The following KCNA2 variants were observed in gnomAD, a reference collection of about 807,000 sequenced individuals.
KCNA2 encodes the protein potassium channel, voltage gated shaker related subfamily A, member 2.
In KCNA2, 11 loss-of-function variants were observed where a neutral mutation model predicts 33.4. The ratio of observed to expected loss-of-function variants is 0.33; its 90% CI spans 0.21 to 0.55. KCNA2 has a LOEUF of 0.55. KCNA2 is among the 20% of genes least tolerant of loss of function. KCNA2 has a pLI of 0.93. For missense variants in KCNA2, 291 were observed against 621.6 expected (o/e 0.47, Z 5.66); for synonymous variants, 222 against 231.3 (o/e 0.96, Z 0.37).
intron 1 of KCNA2, among the ~76,000 whole-genome samples, chr1:110,616,571 G>A (rs1015404964): frequency 6.6e-5 from 10 of 152,190 alleles, no homozygotes; most frequent in African/African-American, 2.4e-4. Flanking sequence ...CAGAGCCTGG[G>A]AACAACCGAG....
Position 110,598,036 on chromosome 1 carries a change from C to G in KCNA2, c.*5247G>C, listed in dbSNP as rs529864805. 265 of 985,414 alleles carry G rather than the reference C, an allele frequency of 2.7e-4. No homozygotes were observed. In the African/African-American group the frequency reaches 4.3e-3, roughly 16 times the overall value. The allele number at this position is 985,414 out of a possible 1,614,324, so 61.0% of individuals were successfully genotyped here. ...AAGATATAGATGATGGTCACAATAG[C>G]TACTGAGAGAGCTCCCAGCATCCCC... On this transcript the variant is annotated 3_prime_UTR_variant, in exon 3 of 3. Coordinates refer to ENST00000316361, the MANE Select transcript of KCNA2 (RefSeq NM_004974.4).
Position 110,602,184 on chromosome 1 carries a change from C to A in KCNA2, c.*1099G>T. The A allele has an allele frequency of 1.3e-6, 2 of 1,550,286 alleles. No homozygotes were observed. The highest frequency in any genetic ancestry group is 1.7e-6 in the Non-Finnish European group (2 of 1,146,978). On this transcript the variant is annotated 3_prime_UTR_variant, in exon 3 of 3. Transcript: ENST00000316361. ...AGGTCTGCGTTCCTGTTTAGAAGAA[C>A]AGGGATAGGTAGGCTGGGGGGCCAG... is the stretch of plus-strand genomic sequence containing the variant.
rs1557725961 is a variant in KCNA2, at chr1:110,595,461, G to C, written c.*7822C>G. 2.0e-6 allele frequency: 2 copies of C among 985,422 alleles called. No individual in the cohort carries two copies. Among genetic ancestry groups the C allele is most frequent in the Non-Finnish European group, 2.4e-6 (2 of 829,952 alleles). The allele number at this position is 985,422 out of a possible 1,614,324, so 61.0% of individuals were successfully genotyped here. The stretch of plus-strand genomic sequence containing the variant: ...CATAGCCAGACTGGAGGGCTTCTGT[G>C]GGTGTGGGGAGATGGCAGACACCCC... On this transcript the variant is annotated 3_prime_UTR_variant, in exon 3 of 3. Coordinates refer to ENST00000316361, the MANE Select transcript of KCNA2 (RefSeq NM_004974.4).
chr1:110,623,430 G>T (rs1461134946), intron 1 of KCNA2, among the ~76,000 whole-genome samples: 1 of 152,208 alleles, frequency 6.6e-6, no homozygotes, highest in African/African-American at 2.4e-5. Flanking sequence ...TGACGCTAAA[G>T]AAGCATGATG....
chr1:110,613,284 G>A (rs888795233), intron 1 of KCNA2, among the ~76,000 whole-genome samples: 12 of 152,308 alleles, frequency 7.9e-5, no homozygotes, highest in Middle Eastern at 3.4e-3. Context: ...ACACAGACCT[G>A]TCACACCAGG....
At chr1:110,610,555 C>CTGAA (rs1193696627), upstream of KCNA2, among the ~76,000 whole-genome samples, 1 of 152,242 alleles carries the variant, frequency 6.6e-6, no homozygotes, top group African/African-American at 2.4e-5. Flanking sequence ...GATGAAGATA[C>CTGAA]TGAAGCTCAG....
intron 1 of KCNA2, among the ~76,000 whole-genome samples, chr1:110,617,411 C>A (rs1650101576): frequency 6.6e-6 from 1 of 152,136 alleles, no homozygotes; most frequent in Non-Finnish European, 1.5e-5. Flanking sequence ...GCCTTGAAGT[C>A]ATGCTGAGGA....
Position 110,600,154 on chromosome 1 carries a change from A to G in KCNA2, c.*3129T>C. The stretch of plus-strand genomic sequence containing the variant: ...ATCTTTTGTTTGTGCCTGTTAATTC[A>G]TAGCTCTGGGGGCAGGGCAATGGGT... On this transcript the variant is annotated 3_prime_UTR_variant, in exon 3 of 3. Coordinates refer to ENST00000316361, the MANE Select transcript of KCNA2 (RefSeq NM_004974.4). 1.0e-6 allele frequency: 1 copy of G among 984,292 alleles called. No individual in the cohort carries two copies. The highest frequency in any genetic ancestry group is 1.8e-5 in the African/African-American group (1 of 56,858). The allele number at this position is 984,292 out of a possible 1,614,324, so 61.0% of individuals were successfully genotyped here. A position where few individuals can be genotyped will look rare whatever the true frequency, so the allele number is the denominator to read the frequency against.
chr1:110,629,419 A>T (rs1357269923), intron 1 of KCNA2, among the ~76,000 whole-genome samples: 1 of 152,248 alleles, frequency 6.6e-6, no homozygotes, highest in Non-Finnish European at 1.5e-5. Context: ...CCCTGACACA[A>T]CATAAATGGA....
rs534026528 is a variant in KCNA2, at chr1:110,612,843, C to T, written c.-495-7121G>A. ...ACACTGGCATCACATTAAACTGCCT[C>T]GAAAGCTCTAACTGGCTTAAAACAG... On this transcript the variant is annotated intron_variant, in intron 1 of 4. Transcript: ENST00000369770. Among the ~76,000 whole-genome samples the T allele has an allele frequency of 7.9e-5, 12 of 152,332 alleles. No homozygotes were observed. In the East Asian group the frequency reaches 1.7e-3, roughly 22 times the overall value.
rs1258618528 is a variant in KCNA2, at chr1:110,599,126, G to A, written c.*4157C>T. The A allele has an allele frequency of 4.1e-6, 4 of 985,430 alleles. No homozygotes were observed. Among genetic ancestry groups the A allele is most frequent in the Non-Finnish European group, 4.8e-6 (4 of 829,938 alleles). The allele number at this position is 985,430 out of a possible 1,614,324, so 61.0% of individuals were successfully genotyped here. ...CGACCATCACTGGAAGGGAGAGTGA[G>A]ACACAACGGGATGGCTGCAGGAGCA... On this transcript the variant is annotated 3_prime_UTR_variant, in exon 3 of 3. Transcript: ENST00000316361.
intron 1 of KCNA2, among the ~76,000 whole-genome samples, chr1:110,628,914 T>A (rs544521023): frequency 2.7e-4 from 41 of 152,322 alleles, no homozygotes; most frequent in Non-Finnish European, 4.6e-4. Context: ...ATCCTGTAGA[T>A]TGCTTTAGAG....
rs1649367658 is a variant in KCNA2, at chr1:110,601,851, T to C, written c.*1432A>G. The stretch of plus-strand genomic sequence containing the variant: ...GTGTATACATATACACACATATGTA[T>C]GTATATATATACACCCTAGTGCACA... On this transcript the variant is annotated 3_prime_UTR_variant, in exon 3 of 3. Transcript: ENST00000316361. 1 of 1,421,294 alleles carries C rather than the reference T, an allele frequency of 7.0e-7. No homozygotes were observed. The highest frequency in any genetic ancestry group is 9.1e-7 in the Non-Finnish European group (1 of 1,093,856). 88.0% of individuals were successfully genotyped at this position (1,421,294 alleles called of 1,614,324 possible).
At position 110,593,851 on chromosome 1, in the gene KCNA2, G is replaced by A. The variant is rs528684504; in HGVS notation, c.*9432C>T. ...AAGTCCTGGGTGGGGCAGTGTTGGT[G>A]GGGCTGAAAGCTTCCAGAATATGTC... On this transcript the variant is annotated 3_prime_UTR_variant, in exon 3 of 3. Coordinates refer to ENST00000316361, the MANE Select transcript of KCNA2 (RefSeq NM_004974.4). The A allele has an allele frequency of 1.9e-6, 3 of 1,548,992 alleles. No homozygotes were observed. Among genetic ancestry groups the A allele is most frequent in the East Asian group, 4.9e-5 (2 of 40,832 alleles).
At position 110,597,766 on chromosome 1, in the gene KCNA2, C is replaced by G. The variant is rs183702468; in HGVS notation, c.*5517G>C. ...TCCTGAGAGCAAGATTTTGAAAGAG[C>G]TATTGCTAAAGAAAACAGTCACTAT... is the stretch of plus-strand genomic sequence containing the variant. On this transcript the variant is annotated 3_prime_UTR_variant, in exon 3 of 3. Coordinates refer to ENST00000316361, the MANE Select transcript of KCNA2 (RefSeq NM_004974.4). The G allele has an allele frequency of 5.6e-5, 55 of 985,166 alleles. No homozygotes were observed. The African/African-American group carries it at 9.1e-4, about 16-fold the overall frequency. The allele number at this position is 985,166 out of a possible 1,614,324, so 61.0% of individuals were successfully genotyped here. A position where few individuals can be genotyped will look rare whatever the true frequency, so the allele number is the denominator to read the frequency against.
rs1649201891 is a variant in KCNA2 at position 110,598,585 on chromosome 1, A to T, written c.*4698T>A. 3.0e-6 allele frequency: 3 copies of T among 985,344 alleles called. No homozygotes were observed. The highest frequency in any genetic ancestry group is 1.2e-4 in the Admixed American group (2 of 16,266). 61.0% of individuals were successfully genotyped at this position (985,344 alleles called of 1,614,324 possible). ...GGCCCTCCCAACACGGAGCAGCAAC[A>T]TGAACACCCAGGCTGGGGTCTCAGG... On this transcript the variant is annotated 3_prime_UTR_variant, in exon 3 of 3. Coordinates refer to ENST00000316361, the MANE Select transcript of KCNA2 (RefSeq NM_004974.4).
chr1:110,614,845 T>C (rs1249914698), intron 1 of KCNA2, among the ~76,000 whole-genome samples: 1 of 152,198 alleles, frequency 6.6e-6, no homozygotes, highest in Non-Finnish European at 1.5e-5. Context: ...CTCTAGTAAG[T>C]GGCAGAGCTG....
rs900373864 is a variant in KCNA2 at position 110,596,731 on chromosome 1, G to A, written c.*6552C>T. The stretch of plus-strand genomic sequence containing the variant: ...CAATAACAAAGGTTGAACCAGACAT[G>A]CTTTCCCATTCCCACTCAAATAACC... On this transcript the variant is annotated 3_prime_UTR_variant, in exon 3 of 3. Coordinates refer to ENST00000316361, the MANE Select transcript of KCNA2 (RefSeq NM_004974.4). 6.2e-5 allele frequency: 61 copies of A among 985,196 alleles called. No homozygotes were observed. The highest frequency in any genetic ancestry group is 7.0e-5 in the Non-Finnish European group (58 of 829,794). 61.0% of individuals were successfully genotyped at this position (985,196 alleles called of 1,614,324 possible).
chr1:110,596,403 T>A lies in KCNA2; in HGVS notation c.*6880A>T. On this transcript the variant is annotated 3_prime_UTR_variant, in exon 3 of 3. Coordinates refer to ENST00000316361, the MANE Select transcript of KCNA2 (RefSeq NM_004974.4). Reference sequence around the variant, plus strand: ...AAACCTCTAAAAACTCAGGACCAATTAACCAAAACCTCGATTGACAAGAAT... The same window carrying A: ...AAACCTCTAAAAACTCAGGACCAATAAACCAAAACCTCGATTGACAAGAAT... 8.3e-6 allele frequency: 2 copies of A among 239,846 alleles called. No homozygotes were observed. The highest frequency in any genetic ancestry group is 1.3e-5 in the Non-Finnish European group (2 of 148,604). The allele number at this position is 239,846 out of a possible 1,614,324, so 14.9% of individuals were successfully genotyped here. A position where few individuals can be genotyped will look rare whatever the true frequency, so the allele number is the denominator to read the frequency against.
Sources: allele counts gnomAD v4.1 joint callset (sites outside exome capture counted in the v4.1 genomes callset), GRCh38; gene constraint gnomAD v4.1.1; transcripts MANE v1.5; gene names NCBI Gene and HGNC (gene_info 2026-07-23, HGNC 2026-07-21).